The following PRELID2 variants were observed in gnomAD, a reference collection of about 807,000 sequenced individuals.
The protein encoded by PRELID2 is PRELI domain-containing protein 2.
Under a neutral mutation model 28.4 loss-of-function variants are expected in PRELID2, and 25 were observed. The ratio of observed to expected loss-of-function variants is 0.88; its 90% confidence interval spans 0.64 to 1.23. PRELID2 has a LOEUF of 1.23. PRELID2 is among the 50% of genes most tolerant of loss of function. PRELID2 has a pLI of 0.00. For synonymous variants in PRELID2, 76 were observed against 71.6 expected, an observed-to-expected ratio of 1.06 and a Z score of -0.31; for missense variants, 201 against 214.4, an observed-to-expected ratio of 0.94 and a Z score of 0.39.
rs548008349 is a variant in PRELID2 at position 145,719,397 on chromosome 5, C to T, written n.70+45534G>A. 1.3e-4 allele frequency among the ~76,000 whole-genome samples: 19 copies of T among 151,690 alleles called. No individual in the cohort carries two copies. The South Asian group carries it at 2.7e-3, about 22-fold the overall frequency. On this transcript the variant is annotated intron_variant and non_coding_transcript_variant, in intron 1 of 2. Transcript: ENST00000510259. ...AAAGACAGTATAAAGAAAAACACTT[C>T]GGAGTCTTGATGGTGAAGAGAAGCA...
Position 145,784,750 on chromosome 5 carries a change from A to T in PRELID2, c.474+11692T>A, listed in dbSNP as rs551395611. On this transcript the variant is annotated intron_variant, in intron 5 of 6. Coordinates refer to ENST00000683046, the MANE Select transcript of PRELID2 (RefSeq NM_205846.3). Reference sequence around the variant, plus strand: ...GAAAAAAATGTTTATAAATATGTCCACAAATGAAATAGTTGGGCTAAATAA... The same window carrying T: ...GAAAAAAATGTTTATAAATATGTCCTCAAATGAAATAGTTGGGCTAAATAA... Among the ~76,000 whole-genome samples, 42 of 151,130 alleles carry T rather than the reference A, an allele frequency of 2.8e-4. 2 individuals are homozygous for T. The South Asian group carries it at 8.8e-3, about 32-fold the overall frequency.
chr5:145,267,166 A>G, the PRELID2 span, among the ~76,000 whole-genome samples: 32 of 152,280 alleles, frequency 2.1e-4, no homozygotes, highest in African/African-American at 7.7e-4. Flanking sequence ...GGAAGCATTC[A>G]GCACAGGAGA....
chr5:145,469,144 G>T (rs1457680138), downstream of PRELID2, among the ~76,000 whole-genome samples: 1 of 152,054 alleles, frequency 6.6e-6, no homozygotes, highest in Non-Finnish European at 1.5e-5. Context: ...TGAAAAACAA[G>T]CTTTCAAGTT....
chr5:145,822,017 T>C (rs986891445), intron 2 of PRELID2, among the ~76,000 whole-genome samples: 1 of 152,164 alleles, frequency 6.6e-6, no homozygotes, highest in Non-Finnish European at 1.5e-5. Flanking sequence ...TATATCTATA[T>C]GGTTATAGAA....
chr5:145,820,419 G>A lies in PRELID2; in HGVS notation c.134-401C>T, dbSNP rs144367687. Reference sequence around the variant, plus strand: ...TGTCAAGGATGAAAGAATCACAACCGTTCGCTGCTCTGGACTATCCGTGTC... The same window carrying A: ...TGTCAAGGATGAAAGAATCACAACCATTCGCTGCTCTGGACTATCCGTGTC... On this transcript the variant is annotated intron_variant, in intron 2 of 6. Coordinates refer to ENST00000683046, the MANE Select transcript of PRELID2 (RefSeq NM_205846.3). 3.7e-3 allele frequency among the ~76,000 whole-genome samples: 567 copies of A among 152,060 alleles called. 3 individuals carry two copies. The highest frequency in any genetic ancestry group is 0.012 in the African/African-American group (513 of 41,440).
chr5:145,532,898 AC>A (rs1190529296), intron 1 of PRELID2, among the ~76,000 whole-genome samples: 1 of 152,094 alleles, frequency 6.6e-6, no homozygotes, highest in Admixed American at 6.6e-5. Context: ...TATCTTGGCT[AC>A]TTTGAATAAT....
intron 1 of PRELID2, among the ~76,000 whole-genome samples, chr5:145,609,379 T>C (rs1052549570): frequency 6.6e-6 from 1 of 152,242 alleles, no homozygotes. Flanking sequence ...TGGTTCTTTC[T>C]CCTCTAGTCG....
intron 1 of PRELID2, chr5:145,728,442 C>T (rs1245766458): frequency 5.1e-6 from 3 of 583,326 alleles, no homozygotes; most frequent in Non-Finnish European, 9.4e-6. Context: ...AAAACAGGGA[C>T]CCCGGATCTG....
intron 1 of PRELID2, among the ~76,000 whole-genome samples, chr5:145,827,389 A>T (rs540457781): frequency 6.6e-6 from 1 of 152,318 alleles, no homozygotes; most frequent in Admixed American, 6.5e-5. Context: ...TAAGTTGAAA[A>T]GTATTTGGAA....
chr5:145,381,502 G>A, the PRELID2 span: 1 of 152,136 alleles, frequency 6.6e-6, no homozygotes, highest in Non-Finnish European at 1.5e-5. Context: ...TATTGTGCAT[G>A]TGTGGATGAC....
intron 1 of PRELID2, among the ~76,000 whole-genome samples, chr5:145,554,195 G>C (rs1752861666): frequency 6.6e-6 from 1 of 152,138 alleles, no homozygotes. Context: ...AAAGGGAGAT[G>C]ATGTGCCTGC....
chr5:145,287,727 A>C, the PRELID2 span, among the ~76,000 whole-genome samples: 17 of 152,172 alleles, frequency 1.1e-4, no homozygotes, highest in African/African-American at 4.1e-4. Context: ...AATTTAATGA[A>C]TCAATACTGA....
At chr5:145,559,122 G>GCAGGCGCCTGTAGTGC (rs1752904856) in intron 1 of PRELID2, among the ~76,000 whole-genome samples, 1 of 152,038 alleles carries the variant, frequency 6.6e-6, no homozygotes, top group South Asian at 2.1e-4. Flanking sequence ...GGGCGTAGTG[G>GCAGGCGCCTGTAGTGC]CAGGCGCCTG....
chr5:145,281,501 G>A, the PRELID2 span, among the ~76,000 whole-genome samples: 4 of 152,136 alleles, frequency 2.6e-5, no homozygotes, highest in African/African-American at 4.8e-5. Flanking sequence ...TGACCCTATA[G>A]CGCTAAGATA....
At chr5:145,772,821 T>C (rs914779143) in intron 5 of PRELID2, among the ~76,000 whole-genome samples, 1 of 152,230 alleles carries the variant, frequency 6.6e-6, no homozygotes, top group African/African-American at 2.4e-5. Flanking sequence ...TCAGGTATTT[T>C]AGTCCTGCTC....
chr5:145,607,605 G>C (rs1753523515), intron 1 of PRELID2, among the ~76,000 whole-genome samples: 1 of 152,152 alleles, frequency 6.6e-6, no homozygotes, highest in African/African-American at 2.4e-5. Context: ...TTGTCCAAGA[G>C]TGTGTTTGGT....
At chr5:145,647,370 C>G (rs144068712) in intron 1 of PRELID2, among the ~76,000 whole-genome samples, 205 of 152,258 alleles carry the variant, frequency 1.3e-3, no homozygotes, top group African/African-American at 4.7e-3. Context: ...CACCTCCCCC[C>G]ACCAACCTCA....
chr5:145,254,261 A>T, the PRELID2 span, among the ~76,000 whole-genome samples: 1 of 152,208 alleles, frequency 6.6e-6, no homozygotes, highest in African/African-American at 2.4e-5. Flanking sequence ...ATATAGAGAC[A>T]GATGCTTAAC....
intron 1 of PRELID2, among the ~76,000 whole-genome samples, chr5:145,481,623 C>CGAAA (rs1752160143): frequency 1.7e-4 from 7 of 41,862 alleles, no homozygotes; most frequent in Non-Finnish European, 2.6e-4. Context: ...GCAAGGAAAT[C>CGAAA]AAAAAAAAAA....
Sources: allele counts gnomAD v4.1 joint callset (sites outside exome capture counted in the v4.1 genomes callset), GRCh38; gene constraint gnomAD v4.1.1; transcripts MANE v1.5; gene names NCBI Gene and HGNC (gene_info 2026-07-23, HGNC 2026-07-21).